CEP152: variants seen among roughly 807,000 people sequenced by gnomAD.
The protein encoded by CEP152 is centrosomal protein 152, also known as centrosomal protein of 152 kDa.
CEP152 carries 132 observed loss-of-function variants against 188.9 expected under a neutral mutation model. The ratio of observed to expected loss-of-function variants is 0.70; its 90% CI spans 0.61 to 0.81. The LOEUF is 0.81. Among genes scored for constraint, CEP152 ranks in the 30% least tolerant of loss-of-function variants. CEP152 has a pLI of 0.00. For missense variants in CEP152, 1,914 were observed against 1,969.8 expected, an observed-to-expected ratio of 0.97 and a Z score of 0.54; for synonymous variants, 649 against 666.6, an observed-to-expected ratio of 0.97 and a Z score of 0.41.
downstream of CEP152, among the ~76,000 whole-genome samples, chr15:48,736,112 G>T (rs1025076895): frequency 6.6e-6 from 1 of 152,040 alleles, no homozygotes; most frequent in African/African-American, 2.4e-5. Flanking sequence ...ATTATGAATA[G>T]CTCTATAACA....
At chr15:48,810,092 A>G (rs560577523) in intron 1 of CEP152, 2 of 152,344 alleles carry the variant, frequency 1.3e-5, no homozygotes, top group Admixed American at 6.5e-5. Context: ...GTCACGCACT[A>G]TGAAGGTATA....
intron 10 of CEP152, chr15:48,783,487 CTT>C (rs1340712926): frequency 6.6e-6 from 1 of 151,898 alleles, no homozygotes; most frequent in African/African-American, 2.4e-5. Flanking sequence ...TTTATAATCA[CTT>C]TTAGTTTTCA....
chr15:48,754,233 T>C (rs184320849), intron 20 of CEP152, among the ~76,000 whole-genome samples: 164 of 152,320 alleles, frequency 1.1e-3, no homozygotes, highest in South Asian at 8.9e-3. Context: ...TATGTGATTC[T>C]GTCTCCATAG....
intron 2 of CEP152, among the ~76,000 whole-genome samples, chr15:48,802,021 C>T (rs969184632): frequency 3.2e-4 from 49 of 151,108 alleles, no homozygotes; most frequent in African/African-American, 1.1e-3. Flanking sequence ...CGCTTGAACC[C>T]GGGAGGCAGC....
chr15:48,737,778 AT>A, downstream of CEP152, among the ~76,000 whole-genome samples: 1 of 152,358 alleles, frequency 6.6e-6, no homozygotes, highest in South Asian at 2.1e-4. Flanking sequence ...GTCTATGTAG[AT>A]TAAGTTCATA....
At chr15:48,745,081 A>G (rs1893307105) in intron 22 of CEP152, 89 bp from the exon 23 acceptor site, 1 of 900,658 alleles carries the variant, frequency 1.1e-6, no homozygotes, top group African/African-American at 1.7e-5. Flanking sequence ...TGTTTATAGA[A>G]GAGACTGTGC....
chr15:48,785,864 C>T lies in CEP152; in HGVS notation c.1174-1744G>A, dbSNP rs567765870. 2.4e-4 allele frequency among the ~76,000 whole-genome samples: 36 copies of T among 148,274 alleles called. No individual in the cohort carries two copies. The South Asian group carries it at 6.8e-3, about 28-fold the overall frequency. On this transcript the variant is annotated intron_variant, in intron 9 of 26. Transcript: ENST00000380950. Reference sequence around the variant, plus strand: ...GACAAGTGTAATGATAAAGAGATGACGGCTGAACTCCAGCCTGGGCAACAG... The same window carrying T: ...GACAAGTGTAATGATAAAGAGATGATGGCTGAACTCCAGCCTGGGCAACAG...
chr15:48,782,342 C>T lies in CEP152; in HGVS notation c.1322-112G>A, dbSNP rs2289179. On this transcript the variant is annotated intron_variant, in intron 10 of 26. Coordinates refer to ENST00000380950, the MANE Select transcript of CEP152 (RefSeq NM_001194998.2). ...CTACAGAAAGTAAAGTTCTGCTTTA[C>T]TACTACTGTCTCTTTAGAATACATA... The T allele has an allele frequency of 0.17, 147,061 of 860,446 alleles. 17,355 individuals carry two copies. The highest frequency in any genetic ancestry group is 0.45 in the East Asian group (17,009 of 37,982). The allele number at this position is 860,446 out of a possible 1,614,324, so 53.3% of individuals were successfully genotyped here.
intron 8 of CEP152, among the ~76,000 whole-genome samples, chr15:48,789,567 G>A (rs1896880823): frequency 6.6e-6 from 1 of 152,222 alleles, no homozygotes; most frequent in African/African-American, 2.4e-5. Flanking sequence ...AATTAAGATT[G>A]TATGTGGAAT....
chr15:48,775,453 T>C (rs146377966), intron 12 of CEP152, among the ~76,000 whole-genome samples: 1 of 152,200 alleles, frequency 6.6e-6, no homozygotes, highest in African/African-American at 2.4e-5. Context: ...CAAATAACAA[T>C]GAATTTCTTC....
At chr15:48,798,251 T>C (rs551033577) in intron 2 of CEP152, among the ~76,000 whole-genome samples, 200 bp from the exon 3 acceptor site, 1 of 147,572 alleles carries the variant, frequency 6.8e-6, no homozygotes, top group African/African-American at 2.5e-5. Context: ...TTAGGATTTA[T>C]ATCAGAAGGC....
At chr15:48,759,098 TATC>T (rs1160647067) in intron 19 of CEP152, among the ~76,000 whole-genome samples, 1 of 152,168 alleles carries the variant, frequency 6.6e-6, no homozygotes, top group Non-Finnish European at 1.5e-5. Context: ...GATTATAATT[TATC>T]ATGTGTTATC....
intron 12 of CEP152, 110 bp downstream of exon 12, chr15:48,781,086 C>A: frequency 1.1e-6 from 1 of 925,278 alleles, no homozygotes. Flanking sequence ...ATTCAATACA[C>A]AGTGTTAACA....
chr15:48,751,437 A>G (rs1042805433), intron 21 of CEP152, among the ~76,000 whole-genome samples: 1 of 152,202 alleles, frequency 6.6e-6, no homozygotes, highest in Non-Finnish European at 1.5e-5. Flanking sequence ...AGCCACCTAG[A>G]ACCTAGAAGT....
At position 48,788,893 on chromosome 15, in the gene CEP152, T is replaced by A; in HGVS notation, c.1081A>T (p.Ser361Cys). The A allele has an allele frequency of 6.2e-7, 1 of 1,614,176 alleles. No homozygotes were observed. Among genetic ancestry groups the A allele is most frequent in the Non-Finnish European group, 8.5e-7 (1 of 1,180,018 alleles). ...SLQRAREQHE[S>C]IVMGLTKKYE... Reference sequence around the variant, plus strand: ...TTCTTTGTGAGGCCCATAACAATGCTCTCATGCTGTTCTCTAGCTCGTTGA... The same window carrying A: ...TTCTTTGTGAGGCCCATAACAATGCACTCATGCTGTTCTCTAGCTCGTTGA... Residue 361 changes from serine (S) to cysteine (C), a missense_variant, in exon 9 of 27, where the codon AGC becomes TGC. Coordinates refer to ENST00000380950, the MANE Select transcript of CEP152 (RefSeq NM_001194998.2).
At chr15:48,764,257 T>G (rs1212247906) in intron 17 of CEP152, among the ~76,000 whole-genome samples, 1 of 152,234 alleles carries the variant, frequency 6.6e-6, no homozygotes, top group Non-Finnish European at 1.5e-5. Context: ...ATCACTTCAC[T>G]TTCAACTTGC....
intron 9 of CEP152, among the ~76,000 whole-genome samples, chr15:48,785,185 G>A: frequency 6.6e-6 from 1 of 152,102 alleles, no homozygotes; most frequent in East Asian, 1.9e-4. Context: ...CTAACACAAG[G>A]TACATCCCAT....
intron 19 of CEP152, among the ~76,000 whole-genome samples, chr15:48,757,647 G>T (rs1006621212): frequency 6.6e-6 from 1 of 152,118 alleles, no homozygotes; most frequent in Non-Finnish European, 1.5e-5. Context: ...CAAAGGCTTG[G>T]CCTAGACAAT....
Position 48,738,428 on chromosome 15 carries a change from T to A in CEP152, c.4954A>T (p.Ile1652Phe), listed in dbSNP as rs1443620043. ...EETTYLEPGK[I>F]SVNCGHPSRH... ...GATGGGTGTCCACAATTCACACTGA[T>A]CTTTCCTGGCTCCAAATACGTGGTT... is the stretch of plus-strand genomic sequence containing the variant. Residue 1652 changes from isoleucine to phenylalanine, a missense_variant, in exon 27 of 27, where the codon ATC becomes TTC. Physicochemically the swap from Ile to Phe is conservative, Grantham distance 21. Coordinates refer to ENST00000380950, the MANE Select transcript of CEP152 (RefSeq NM_001194998.2). The A allele has an allele frequency of 6.2e-7, 1 of 1,614,196 alleles. No homozygotes were observed. The highest frequency in any genetic ancestry group is 1.7e-5 in the Admixed American group (1 of 60,020).
Sources: allele counts gnomAD v4.1 joint callset (sites outside exome capture counted in the v4.1 genomes callset), GRCh38; gene constraint gnomAD v4.1.1; transcripts MANE v1.5; gene names NCBI Gene and HGNC (gene_info 2026-07-23, HGNC 2026-07-21).